The following SLC16A1 variants were observed in gnomAD, a reference collection of about 807,000 sequenced individuals.
The protein encoded by SLC16A1 is solute carrier family 16 member 1, also known as monocarboxylate transporter 1.
Under a neutral mutation model 32.2 loss-of-function variants are expected in SLC16A1, and 11 were observed. The observed-to-expected ratio is 0.34, with a 90% confidence interval of 0.21 to 0.56. The LOEUF (loss-of-function observed/expected upper bound fraction) is 0.56. Ranked by LOEUF, SLC16A1 falls within the 20% of genes least tolerant of loss-of-function variation. The pLI is 0.87. For synonymous variants in SLC16A1, 231 were observed against 226.8 expected, an observed-to-expected ratio of 1.02 and a Z score of -0.17; for missense variants, 435 against 615.0, an observed-to-expected ratio of 0.71 and a Z score of 3.10.
chr1:112,953,294 T>C (rs1649963291), intron 1 of SLC16A1, among the ~76,000 whole-genome samples: 1 of 152,010 alleles, frequency 6.6e-6, no homozygotes, highest in Non-Finnish European at 1.5e-5. Flanking sequence ...CCCAAGTAGC[T>C]GGGATTACAG....
At chr1:112,945,381 T>C (rs1296564727) in intron 1 of SLC16A1, among the ~76,000 whole-genome samples, 14 of 152,082 alleles carry the variant, frequency 9.2e-5, no homozygotes, top group Admixed American at 7.2e-4. Flanking sequence ...CTTTAAAACA[T>C]TACCTACTGT....
chr1:112,947,755 T>C (rs561459694), intron 1 of SLC16A1, among the ~76,000 whole-genome samples: 8 of 152,348 alleles, frequency 5.3e-5, no homozygotes, highest in Non-Finnish European at 8.8e-5. Context: ...TGAACTTCAT[T>C]ATGATGCTAT....
rs1648376686 is a variant in SLC16A1, at chr1:112,912,990, G to A, written c.*901C>T. 1 of 152,154 alleles carries A rather than the reference G, an allele frequency of 6.6e-6. No individual in the cohort carries two copies. The highest frequency in any genetic ancestry group is 1.5e-5 in the Non-Finnish European group (1 of 68,022). 9.4% of individuals were successfully genotyped at this position (152,154 alleles called of 1,614,324 possible). ...AAAAACTTAAGTGAATTCAGCTGAT[G>A]TTTGAAATATCTGTCTACATTTAAT... On this transcript the variant is annotated 3_prime_UTR_variant, in exon 5 of 5. Transcript: ENST00000369626.
chr1:112,951,852 C>A (rs1187876897), intron 1 of SLC16A1, among the ~76,000 whole-genome samples: 1 of 152,152 alleles, frequency 6.6e-6, no homozygotes, highest in Non-Finnish European at 1.5e-5. Context: ...TAAACTTTAA[C>A]TTGTCCTTCC....
chr1:112,942,941 CAT>C (rs767484781), intron 1 of SLC16A1, among the ~76,000 whole-genome samples: 138 of 152,072 alleles, frequency 9.1e-4, no homozygotes, highest in Non-Finnish European at 1.5e-3. Context: ...CATAGATATA[CAT>C]ATATGCACGC....
At chr1:112,952,904 C>T (rs559982382) in intron 1 of SLC16A1, among the ~76,000 whole-genome samples, 2 of 152,256 alleles carry the variant, frequency 1.3e-5, no homozygotes, top group Non-Finnish European at 1.5e-5. Context: ...CTAATAAACT[C>T]GTATTTGTTC....
In SLC16A1 at chr1:112,930,264, C is replaced by G. The variant is rs151236049; in HGVS notation, c.-44-912G>C. On this transcript the variant is annotated intron_variant, in intron 1 of 4. Coordinates refer to ENST00000369626, the MANE Select transcript of SLC16A1 (RefSeq NM_003051.4). The stretch of plus-strand genomic sequence containing the variant: ...CGATCTAACTCCAGGTAGCTGAAGT[C>G]AAAATTGAATTGAATTACGGGACAC... Among the ~76,000 whole-genome samples the G allele has an allele frequency of 9.2e-5, 14 of 152,118 alleles. No homozygotes were observed. In the East Asian group the frequency reaches 2.7e-3, roughly 29 times the overall value.
intron 1 of SLC16A1, among the ~76,000 whole-genome samples, chr1:112,951,890 G>A (rs1305160691): frequency 1.3e-5 from 2 of 151,992 alleles, no homozygotes; most frequent in Non-Finnish European, 2.9e-5. Context: ...TCTTTATAGA[G>A]GTATTCTAGT....
rs893130666 is a variant in SLC16A1, at chr1:112,921,069, A to G, written c.361+921T>C. Among the ~76,000 whole-genome samples the G allele has an allele frequency of 1.5e-4, 22 of 150,668 alleles. No homozygotes were observed. The Admixed American group carries it at 1.5e-3, about 10-fold the overall frequency. ...GGCAGGAGAATGACGTGAATCCAGG[A>G]GGCGGAGCTTGCAGTGAGCTGAGAT... On this transcript the variant is annotated intron_variant, in intron 3 of 4. Coordinates refer to ENST00000369626, the MANE Select transcript of SLC16A1 (RefSeq NM_003051.4).
At chr1:112,937,228 C>A (rs945712741) in intron 1 of SLC16A1, among the ~76,000 whole-genome samples, 1 of 152,148 alleles carries the variant, frequency 6.6e-6, no homozygotes, top group Admixed American at 6.5e-5. Context: ...ACGTGCTGGA[C>A]GTGATTAAAC....
At chr1:112,954,102 GT>G (rs1557858805) in intron 1 of SLC16A1, among the ~76,000 whole-genome samples, 2 of 152,170 alleles carry the variant, frequency 1.3e-5, no homozygotes, top group African/African-American at 4.8e-5. Context: ...AATCTGGACT[GT>G]TTTCCTCATA....
intron 1 of SLC16A1, among the ~76,000 whole-genome samples, chr1:112,952,021 TGAAG>T (rs1649914968): frequency 2.6e-5 from 4 of 152,174 alleles, no homozygotes; most frequent in Admixed American, 2.0e-4. Flanking sequence ...ATATGCCTCC[TGAAG>T]GAAGTACACA....
At position 112,925,957 on chromosome 1, in the gene SLC16A1, A is replaced by T. The variant is rs370855289; in HGVS notation, c.217+3135T>A. Among the ~76,000 whole-genome samples the T allele has an allele frequency of 4.6e-5, 7 of 152,312 alleles. No individual in the cohort carries two copies. The East Asian group carries it at 9.6e-4, about 21-fold the overall frequency. On this transcript the variant is annotated intron_variant, in intron 2 of 4. Coordinates refer to ENST00000369626, the MANE Select transcript of SLC16A1 (RefSeq NM_003051.4). The stretch of plus-strand genomic sequence containing the variant: ...AAAGGATAGGCTGTAGCCCCAGGGC[A>T]CCCTGTTTTAAGTTTTGGTTTCACC...
intron 2 of SLC16A1, among the ~76,000 whole-genome samples, chr1:112,926,029 G>A (rs1321093061): frequency 6.6e-6 from 1 of 152,124 alleles, no homozygotes; most frequent in African/African-American, 2.4e-5. Context: ...TACTTTATAG[G>A]ATTGTTGAAA....
At chr1:112,916,469 GC>G (rs1648514076) in intron 4 of SLC16A1, among the ~76,000 whole-genome samples, 1 of 126,448 alleles carries the variant, frequency 7.9e-6, no homozygotes, top group African/African-American at 3.1e-5. Flanking sequence ...TTGCACTCCA[GC>G]CTGGGCAACA....
chr1:112,916,995 T>C, intron 4 of SLC16A1, 183 bp downstream of exon 4: 2 of 779,554 alleles, frequency 2.6e-6, no homozygotes, highest in Non-Finnish European at 2.1e-6. Context: ...GATGGTTCCA[T>C]TTAATTAGAT....
At chr1:112,935,602 AAG>A (rs1649275343) in intron 1 of SLC16A1, among the ~76,000 whole-genome samples, 1 of 152,174 alleles carries the variant, frequency 6.6e-6, no homozygotes, top group Non-Finnish European at 1.5e-5. Flanking sequence ...ACTTTGGAAA[AAG>A]AGAATAGAGA....
intron 2 of SLC16A1, among the ~76,000 whole-genome samples, chr1:112,926,212 A>C (rs182849273): frequency 2.0e-5 from 3 of 152,334 alleles, no homozygotes; most frequent in Admixed American, 6.5e-5. Context: ...GTATATATAC[A>C]TAAGATAAGC....
At chr1:112,921,881 A>G in intron 3 of SLC16A1, 109 bp downstream of exon 3, 1 of 1,338,924 alleles carries the variant, frequency 7.5e-7, no homozygotes, top group South Asian at 1.2e-5. Flanking sequence ...TAATCAAGTC[A>G]TTTCTATAAG....
Sources: gnomAD v4.1 joint callset for allele counts (sites outside exome capture counted in the v4.1 genomes callset) on GRCh38, gnomAD v4.1.1 for gene constraint, MANE v1.5 for transcripts, NCBI Gene and HGNC (gene_info 2026-07-23, HGNC 2026-07-21) for gene names.